The following DLG2 variants were observed in gnomAD, a reference collection of about 807,000 sequenced individuals.
DLG2 encodes the protein disks large homolog 2.
A neutral mutation model predicts 132.5 loss-of-function variants in DLG2; 45 were observed. That is an observed-to-expected ratio of 0.34 (90% CI 0.27 to 0.44). DLG2 has a LOEUF of 0.44. Ranked by LOEUF, DLG2 falls within the 20% of genes least tolerant of loss-of-function variation. DLG2 has a pLI of 1.00. For synonymous variants in DLG2, 424 were observed against 419.6 expected (o/e 1.01, Z -0.13); for missense variants, 1,045 against 1,196.9 (o/e 0.87, Z 1.87).
At chr11:84,595,208 G>A (rs1277890863) in intron 6 of DLG2, among the ~76,000 whole-genome samples, 3 of 152,082 alleles carry the variant, frequency 2.0e-5, no homozygotes, top group East Asian at 3.9e-4. Flanking sequence ...AGGCTCAAGC[G>A]ATCCTCCTAC....
intron 3 of DLG2, among the ~76,000 whole-genome samples, chr11:85,505,026 T>C (rs935780365): frequency 6.6e-6 from 1 of 152,106 alleles, no homozygotes; most frequent in African/African-American, 2.4e-5. Context: ...CTGTTATTGG[T>C]GTATTGGTGT....
chr11:83,999,960 A>T (rs2094257429), intron 11 of DLG2, among the ~76,000 whole-genome samples: 1 of 151,310 alleles, frequency 6.6e-6, no homozygotes, highest in South Asian at 2.1e-4. Context: ...GAAACATTAA[A>T]AAAAAAAACT....
At chr11:85,169,477 T>C (rs532329041) in intron 4 of DLG2, among the ~76,000 whole-genome samples, 1 of 152,240 alleles carries the variant, frequency 6.6e-6, no homozygotes, top group South Asian at 2.1e-4. Context: ...AAGGATGAGA[T>C]GGCTAATGCT....
intron 23 of DLG2, among the ~76,000 whole-genome samples, 163 bp from the exon 24 acceptor site, chr11:83,471,890 T>C (rs2092080011): frequency 6.6e-6 from 1 of 152,142 alleles, no homozygotes; most frequent in Non-Finnish European, 1.5e-5. Flanking sequence ...AAATTGATGT[T>C]TAACACTCAG....
At chr11:83,556,583 G>T (rs2096524930) in intron 19 of DLG2, among the ~76,000 whole-genome samples, 1 of 152,068 alleles carries the variant, frequency 6.6e-6, no homozygotes, top group African/African-American at 2.4e-5. Context: ...TGTTGCCCAG[G>T]CTAGTCTAGA....
chr11:84,787,290 T>G (rs1352969159), intron 6 of DLG2, among the ~76,000 whole-genome samples: 1 of 152,184 alleles, frequency 6.6e-6, no homozygotes, highest in African/African-American at 2.4e-5. Context: ...GTGTCTGACC[T>G]GGCGTGCTCC....
chr11:85,579,862 T>C (rs2078402969), intron 3 of DLG2, among the ~76,000 whole-genome samples: 1 of 152,016 alleles, frequency 6.6e-6, no homozygotes, highest in Non-Finnish European at 1.5e-5. Context: ...ATAAAGAACT[T>C]TGTATGCATT....
intron 6 of DLG2, among the ~76,000 whole-genome samples, chr11:84,754,923 T>C (rs542695082): frequency 3.9e-5 from 6 of 152,312 alleles, no homozygotes; most frequent in Middle Eastern, 3.4e-3. Context: ...AACTTCCTCT[T>C]AGTTTTTCTG....
At chr11:85,112,107 A>G (rs2072859662) in intron 5 of DLG2, among the ~76,000 whole-genome samples, 2 of 152,066 alleles carry the variant, frequency 1.3e-5, no homozygotes, top group Non-Finnish European at 2.9e-5. Context: ...ACATGAGTCA[A>G]GGTATAGAAT....
At chr11:83,471,772 A>C (rs1369292829) in intron 23 of DLG2, 45 bp from the exon 24 acceptor site, 1 of 1,494,356 alleles carries the variant, frequency 6.7e-7, no homozygotes, top group Non-Finnish European at 9.3e-7. Flanking sequence ...AAAGAGTTGG[A>C]AACAACTGCA....
At chr11:84,499,409 AC>A (rs2099195582) in intron 7 of DLG2, among the ~76,000 whole-genome samples, 1 of 152,132 alleles carries the variant, frequency 6.6e-6, no homozygotes, top group Non-Finnish European at 1.5e-5. Flanking sequence ...ACTTTTTACA[AC>A]CCTATCCCAT....
intron 6 of DLG2, among the ~76,000 whole-genome samples, chr11:85,094,509 A>G (rs943322528): frequency 6.6e-6 from 1 of 152,192 alleles, no homozygotes; most frequent in East Asian, 1.9e-4. Context: ...ATAACTTGCT[A>G]TAGCTTCTGT....
At chr11:83,979,980 T>C (rs1320183404) in intron 12 of DLG2, among the ~76,000 whole-genome samples, 3 of 152,216 alleles carry the variant, frequency 2.0e-5, no homozygotes, top group Admixed American at 6.6e-5. Context: ...ACAAAATAGA[T>C]ACATTGTACA....
intron 7 of DLG2, among the ~76,000 whole-genome samples, chr11:84,354,315 G>A (rs544473138): frequency 7.2e-5 from 11 of 151,990 alleles, no homozygotes; most frequent in Non-Finnish European, 1.3e-4. Context: ...GAATTATAAA[G>A]GTGTATTAGA....
At chr11:83,603,161 A>AT (rs2058821127) in intron 19 of DLG2, among the ~76,000 whole-genome samples, 1 of 152,096 alleles carries the variant, frequency 6.6e-6, no homozygotes, top group Non-Finnish European at 1.5e-5. Context: ...TCTCTGCACA[A>AT]TTTTTTAAAA....
chr11:85,471,190 A>C, intron 3 of DLG2, among the ~76,000 whole-genome samples: 1 of 152,216 alleles, frequency 6.6e-6, no homozygotes, highest in South Asian at 2.1e-4. Context: ...GTTCCAGAGG[A>C]TGAAAAAATT....
intron 7 of DLG2, among the ~76,000 whole-genome samples, chr11:84,299,988 C>T (rs1024448340): frequency 2.0e-5 from 3 of 151,878 alleles, no homozygotes; most frequent in Admixed American, 1.3e-4. Context: ...ATAAGAACAA[C>T]GTGTTTGTAA....
intron 6 of DLG2, among the ~76,000 whole-genome samples, chr11:84,779,281 C>CT (rs1300227029): frequency 2.6e-5 from 4 of 152,060 alleles, no homozygotes; most frequent in East Asian, 1.9e-4. Context: ...CCTAATATAA[C>CT]TTTTTTTGTG....
chr11:84,734,448 T>G (rs892052292), intron 6 of DLG2, among the ~76,000 whole-genome samples: 3 of 152,174 alleles, frequency 2.0e-5, no homozygotes, highest in African/African-American at 4.8e-5. Flanking sequence ...TGTCTGTTAT[T>G]GGTGTATAAG....
Sources: gnomAD v4.1 joint callset for allele counts (sites outside exome capture counted in the v4.1 genomes callset) on GRCh38, gnomAD v4.1.1 for gene constraint, MANE v1.5 for transcripts, NCBI Gene and HGNC (gene_info 2026-07-23, HGNC 2026-07-21) for gene names.